The following TTLL5 variants were observed in gnomAD, a reference collection of about 807,000 sequenced individuals.
TTLL5 encodes the protein tubulin tyrosine ligase like 5, also known as tubulin polyglutamylase TTLL5.
A neutral mutation model predicts 168.4 loss-of-function variants in TTLL5; 132 were observed. The ratio of observed to expected loss-of-function variants is 0.78; its 90% CI spans 0.68 to 0.91. The LOEUF is 0.91. Ranked by LOEUF, TTLL5 falls within the 40% of genes least tolerant of loss-of-function variation. The probability of loss-of-function intolerance (pLI) is 0.00; values close to 1 mark genes in which losing one functional copy is unlikely to be tolerated. For synonymous variants in TTLL5, 546 were observed against 558.6 expected (o/e 0.98, Z 0.32); for missense variants, 1,545 against 1,581.5 (o/e 0.98, Z 0.39).
chr14:75,797,159 G>GTATTT (rs1246634202), intron 27 of TTLL5, among the ~76,000 whole-genome samples: 1 of 151,994 alleles, frequency 6.6e-6, no homozygotes, highest in African/African-American at 2.4e-5. Flanking sequence ...ATATCCGTAA[G>GTATTT]TATTTTATTT....
chr14:75,685,354 T>A (rs9323616), intron 5 of TTLL5, among the ~76,000 whole-genome samples: 3 of 144,682 alleles, frequency 2.1e-5, no homozygotes, highest in East Asian at 2.0e-4. Flanking sequence ...CCAGCCTGGG[T>A]AACACAGAGA....
intron 31 of TTLL5, among the ~76,000 whole-genome samples, chr14:75,933,227 C>A (rs185271118): frequency 6.6e-6 from 1 of 152,084 alleles, no homozygotes; most frequent in South Asian, 2.1e-4. Flanking sequence ...GAGGCCAAGA[C>A]GGGAAGATTA....
chr14:75,762,414 A>T (rs1008527918), intron 18 of TTLL5, among the ~76,000 whole-genome samples: 105 of 152,278 alleles, frequency 6.9e-4, no homozygotes, highest in African/African-American at 2.3e-3. Flanking sequence ...AAATAAATAA[A>T]TAGTTGGAAA....
intron 30 of TTLL5, among the ~76,000 whole-genome samples, chr14:75,897,266 G>A (rs1004547585): frequency 6.6e-6 from 1 of 152,088 alleles, no homozygotes; most frequent in Non-Finnish European, 1.5e-5. Flanking sequence ...TAATATTTAG[G>A]TAAACTCTTT....
At chr14:75,684,443 A>G (rs1406888774) in intron 5 of TTLL5, 2 of 152,196 alleles carry the variant, frequency 1.3e-5, no homozygotes, top group East Asian at 3.8e-4. Context: ...GCATGATGGT[A>G]GTTTCTATTT....
chr14:75,836,099 G>C (rs1261916782), intron 28 of TTLL5, among the ~76,000 whole-genome samples: 1 of 152,194 alleles, frequency 6.6e-6, no homozygotes, highest in Non-Finnish European at 1.5e-5. Flanking sequence ...TCCTGTGTTT[G>C]TTGCTGCACT....
intron 27 of TTLL5, among the ~76,000 whole-genome samples, chr14:75,801,813 A>G (rs10136101): frequency 0.78 from 119,275 of 152,154 alleles, 47,025 homozygotes; most frequent in Admixed American, 0.82. Flanking sequence ...CTCTAGTTAT[A>G]TTTAAAAAGA....
At chr14:75,924,906 C>CG (rs1395366135) in intron 31 of TTLL5, among the ~76,000 whole-genome samples, 1 of 149,750 alleles carries the variant, frequency 6.7e-6, no homozygotes, top group African/African-American at 2.5e-5. Context: ...GCTGGTCGGG[C>CG]GGGGGGCTGA....
At chr14:75,897,993 A>C (rs1595229439) in intron 30 of TTLL5, among the ~76,000 whole-genome samples, 1 of 152,184 alleles carries the variant, frequency 6.6e-6, no homozygotes, top group Non-Finnish European at 1.5e-5. Context: ...ACTTTTGTGT[A>C]GTGTAAAGTT....
At chr14:75,793,198 C>A in intron 27 of TTLL5, 98 bp downstream of exon 27, 2 of 1,120,414 alleles carry the variant, frequency 1.8e-6, no homozygotes, top group South Asian at 3.0e-5. Flanking sequence ...TTCCCATATA[C>A]TGATGCCTCT....
intron 15 of TTLL5, among the ~76,000 whole-genome samples, chr14:75,743,930 C>T (rs563947881): frequency 7.2e-5 from 11 of 152,252 alleles, no homozygotes; most frequent in African/African-American, 2.6e-4. Context: ...GGGCCCCACT[C>T]TCATGACTTC....
rs908995292 is a variant in TTLL5, at chr14:75,823,841, G to A, written c.3326+3680G>A. ...GCCACCGAGGAGTGGGAAATCTTGAGAAGTTGGAACCATTTTCGATGTCAC... is the reference window on the plus strand; with the variant it reads ...GCCACCGAGGAGTGGGAAATCTTGAAAAGTTGGAACCATTTTCGATGTCAC... On this transcript the variant is annotated intron_variant, in intron 28 of 31. Transcript: ENST00000298832. Among the ~76,000 whole-genome samples the A allele has an allele frequency of 5.9e-5, 9 of 152,312 alleles. No homozygotes were observed. In the South Asian group the frequency reaches 1.9e-3, roughly 32 times the overall value.
intron 27 of TTLL5, among the ~76,000 whole-genome samples, chr14:75,807,319 G>A (rs1336897270): frequency 1.3e-5 from 2 of 152,036 alleles, no homozygotes; most frequent in South Asian, 2.1e-4. Flanking sequence ...GCGGTGGCAC[G>A]TGCCTGTAGT....
At chr14:75,846,322 G>A (rs1347666795) in intron 28 of TTLL5, among the ~76,000 whole-genome samples, 3 of 152,194 alleles carry the variant, frequency 2.0e-5, no homozygotes, top group African/African-American at 2.4e-5. Context: ...GATAGAAATT[G>A]TGGATTTTTT....
intron 21 of TTLL5, 76 bp from the exon 22 acceptor site, chr14:75,775,408 A>G (rs1360281018): frequency 2.0e-6 from 3 of 1,513,716 alleles, no homozygotes; most frequent in Middle Eastern, 2.3e-4. Context: ...CTGTTATATA[A>G]TGCCTTCATA....
intron 7 of TTLL5, 76 bp downstream of exon 7, chr14:75,699,346 A>G (rs1471093930): frequency 2.1e-5 from 27 of 1,276,470 alleles, no homozygotes; most frequent in Non-Finnish European, 2.9e-5. Context: ...GGTTACTAAT[A>G]TAGTTCCATT....
At chr14:75,720,537 C>T in intron 11 of TTLL5, 59 bp from the exon 12 acceptor site, 1 of 1,224,020 alleles carries the variant, frequency 8.2e-7, no homozygotes. Flanking sequence ...ATCTGGAATC[C>T]AGTTCATAAT....
At chr14:75,774,112 T>C (rs143307876) in intron 21 of TTLL5, among the ~76,000 whole-genome samples, 2 of 151,986 alleles carry the variant, frequency 1.3e-5, no homozygotes, top group African/African-American at 2.4e-5. Flanking sequence ...AGATTCCTTA[T>C]CTCATAACTC....
chr14:75,908,930 C>T (rs1318957290), intron 31 of TTLL5, among the ~76,000 whole-genome samples: 4 of 152,034 alleles, frequency 2.6e-5, no homozygotes, highest in African/African-American at 4.8e-5. Flanking sequence ...GCATGTGCCA[C>T]AATGCACAGC....
Sources: gnomAD v4.1 joint callset for allele counts (sites outside exome capture counted in the v4.1 genomes callset) on GRCh38, gnomAD v4.1.1 for gene constraint, MANE v1.5 for transcripts, NCBI Gene and HGNC (gene_info 2026-07-23, HGNC 2026-07-21) for gene names.